ADGRG7: variants seen among roughly 807,000 people sequenced by gnomAD.
ADGRG7 encodes the protein adhesion G protein-coupled receptor G7.
Under a neutral mutation model 88.6 loss-of-function variants are expected in ADGRG7, and 82 were observed. That is an observed-to-expected ratio of 0.93 (90% CI 0.77 to 1.11). The LOEUF is 1.11. ADGRG7 is among the 50% of genes most tolerant of loss of function. The pLI is 0.00. For missense variants in ADGRG7, 945 were observed against 953.4 expected, an observed-to-expected ratio of 0.99 and a Z score of 0.12; for synonymous variants, 381 against 345.2, an observed-to-expected ratio of 1.10 and a Z score of -1.15.
chr3:100,678,408 C>T (rs1337524580), intron 15 of ADGRG7, among the ~76,000 whole-genome samples: 1 of 152,094 alleles, frequency 6.6e-6, no homozygotes, highest in Non-Finnish European at 1.5e-5. Context: ...TGACATATCT[C>T]TGTCTCTCTG....
intron 15 of ADGRG7, among the ~76,000 whole-genome samples, chr3:100,686,780 C>T (rs1350633112): frequency 6.6e-6 from 1 of 152,150 alleles, no homozygotes; most frequent in Non-Finnish European, 1.5e-5. Context: ...TTACTGTAGC[C>T]TTGTAGTATA....
intron 1 of ADGRG7, among the ~76,000 whole-genome samples, chr3:100,620,395 G>T (rs1707294155): frequency 1.3e-5 from 2 of 152,074 alleles, no homozygotes; most frequent in African/African-American, 4.8e-5. Flanking sequence ...ATTAGGTATC[G>T]ATGGGACGTA....
intron 15 of ADGRG7, among the ~76,000 whole-genome samples, chr3:100,675,069 A>G (rs186625216): frequency 2.6e-5 from 4 of 152,076 alleles, no homozygotes; most frequent in African/African-American, 7.2e-5. Context: ...TTCCTTTCCA[A>G]TTTAGATTTT....
At chr3:100,641,463 AG>A in intron 6 of ADGRG7, among the ~76,000 whole-genome samples, 1 of 152,362 alleles carries the variant, frequency 6.6e-6, no homozygotes, top group East Asian at 1.9e-4. Flanking sequence ...AGTTAGGTAC[AG>A]GACAAAAAAG....
intron 15 of ADGRG7, among the ~76,000 whole-genome samples, chr3:100,676,008 T>A (rs899556084): frequency 2.0e-5 from 3 of 152,114 alleles, no homozygotes; most frequent in African/African-American, 7.2e-5. Context: ...TTTTTCTTAG[T>A]TAATCTGACT....
At position 100,635,782 on chromosome 3, in the gene ADGRG7, GT is replaced by G; in HGVS notation, c.554del (p.Val185GlyfsTer21). On this transcript the variant is annotated frameshift_variant, in exon 5 of 16. Coordinates refer to ENST00000273352, the MANE Select transcript of ADGRG7 (RefSeq NM_032787.3). LOFTEE classifies it high-confidence loss of function. ...TGAGAACATCACTAGTGCTACGCGA[GT>G]GGTTGGACAGATATTCAACACTTCC... ...TAENITSATR[V>X]VGQIFNTSRN... is the part of the protein sequence containing the mutation. The G allele has an allele frequency of 6.2e-7, 1 of 1,613,868 alleles. No individual in the cohort carries two copies. The highest frequency in any genetic ancestry group is 8.5e-7 in the Non-Finnish European group (1 of 1,179,906).
chr3:100,622,568 G>T (rs931709186), intron 1 of ADGRG7, among the ~76,000 whole-genome samples: 1 of 151,942 alleles, frequency 6.6e-6, no homozygotes. Context: ...GTCTGTTCCA[G>T]TCTTTTGCCC....
intron 1 of ADGRG7, among the ~76,000 whole-genome samples, chr3:100,615,382 T>A (rs1186403614): frequency 6.6e-6 from 1 of 152,226 alleles, no homozygotes; most frequent in Non-Finnish European, 1.5e-5. Flanking sequence ...AATTTAGGTA[T>A]TTCAGAGGCT....
Position 100,633,318 on chromosome 3 carries a change from G to A in ADGRG7, c.388G>A (p.Glu130Lys). Residue 130 changes from glutamate to lysine, a missense_variant, in exon 4 of 16, where the codon GAA becomes AAA. Glu to Lys is a moderately conservative substitution (Grantham distance 56). Transcript: ENST00000273352. ...LCSLSLYGEIELQKVTIGNCN... is the reference protein window; with the variant it reads ...LCSLSLYGEIKLQKVTIGNCN... ...CAGTCTCTCTCTATATGGAGAGATA[G>A]AATTACAAAAAGTGACAATAGGAAA... 1.3e-6 allele frequency: 2 copies of A among 1,590,138 alleles called. No individual in the cohort carries two copies. Among genetic ancestry groups the A allele is most frequent in the Admixed American group, 3.5e-5 (2 of 57,760 alleles).
At chr3:100,647,366 T>TG (rs1707771497) in intron 10 of ADGRG7, among the ~76,000 whole-genome samples, 1 of 152,172 alleles carries the variant, frequency 6.6e-6, no homozygotes, top group Non-Finnish European at 1.5e-5. Context: ...GAGGTAAAGC[T>TG]GTATAGCTGT....
chr3:100,680,510 C>T (rs538656465), intron 15 of ADGRG7, among the ~76,000 whole-genome samples: 1 of 152,052 alleles, frequency 6.6e-6, no homozygotes, highest in East Asian at 1.9e-4. Flanking sequence ...TTTCTGTGGC[C>T]ATTCTATTTT....
At chr3:100,628,481 C>G (rs1707413799) in intron 1 of ADGRG7, among the ~76,000 whole-genome samples, 1 of 152,042 alleles carries the variant, frequency 6.6e-6, no homozygotes, top group South Asian at 2.1e-4. Flanking sequence ...GCCTCAGCCT[C>G]CCAAGTAACT....
chr3:100,657,315 G>T (rs2094939020), intron 13 of ADGRG7, among the ~76,000 whole-genome samples: 1 of 152,128 alleles, frequency 6.6e-6, no homozygotes, highest in Admixed American at 6.5e-5. Context: ...GATTATTTTT[G>T]GTTTTCCTGA....
At position 100,659,798 on chromosome 3, in the gene ADGRG7, C is replaced by T. The variant is rs753509327; in HGVS notation, c.1934C>T (p.Thr645Ile). The stretch of plus-strand genomic sequence containing the variant: ...ATCAGCAATGTTGTTATGTTTATTA[C>T]AATCTCGATCAAAGTGCTGTGGAAG... ...ILISNVVMFITISIKVLWKNN... is the reference protein window; with the variant it reads ...ILISNVVMFIIISIKVLWKNN... The change falls in exon 14 of 16, where the codon ACA becomes ATA. Residue 645 changes from threonine (T) to isoleucine (I), a missense_variant. Physicochemically the swap from Thr to Ile is moderately conservative, Grantham distance 89. Transcript: ENST00000273352. 1.2e-6 allele frequency: 2 copies of T among 1,613,894 alleles called. No individual in the cohort carries two copies. The highest frequency in any genetic ancestry group is 1.7e-6 in the Non-Finnish European group (2 of 1,179,910).
chr3:100,680,633 C>T (rs2094972009), intron 15 of ADGRG7, among the ~76,000 whole-genome samples: 1 of 152,088 alleles, frequency 6.6e-6, no homozygotes, highest in African/African-American at 2.4e-5. Context: ...TTTTGGGGGT[C>T]AATTTAGGGA....
At chr3:100,661,306 A>C (rs956622632) in intron 14 of ADGRG7, among the ~76,000 whole-genome samples, 2 of 152,244 alleles carry the variant, frequency 1.3e-5, no homozygotes, top group Non-Finnish European at 2.9e-5. Flanking sequence ...AGACTTAATA[A>C]AAGCAAGCAT....
In ADGRG7 at chr3:100,646,668, A is replaced by C. The variant is rs1206133442; in HGVS notation, c.1210A>C (p.Thr404Pro). ...DTYGCQKDKG[T>P]DGFLRCRCNH... ...ATATGGCTGTCAAAAAGACAAGGGCACTGATGGATTCCTGCGCTGCCGCTG... is the reference window on the plus strand; with the variant it reads ...ATATGGCTGTCAAAAAGACAAGGGCCCTGATGGATTCCTGCGCTGCCGCTG... The change falls in exon 10 of 16, where the codon ACT (threonine) becomes CCT (proline). Residue 404 changes from threonine (T) to proline (P), a missense_variant. Coordinates refer to ENST00000273352, the MANE Select transcript of ADGRG7 (RefSeq NM_032787.3). The C allele has an allele frequency of 1.2e-6, 2 of 1,614,114 alleles. No individual in the cohort carries two copies. Among genetic ancestry groups the C allele is most frequent in the African/African-American group, 2.7e-5 (2 of 74,946 alleles).
intron 1 of ADGRG7, 41 bp downstream of exon 1, chr3:100,610,012 G>A: frequency 6.6e-7 from 1 of 1,515,688 alleles, no homozygotes; most frequent in South Asian, 1.1e-5. Context: ...GTAAGAGAAG[G>A]TATGGGACCT....
chr3:100,678,877 A>G (rs1288082422), intron 15 of ADGRG7, among the ~76,000 whole-genome samples: 1 of 152,166 alleles, frequency 6.6e-6, no homozygotes, highest in Non-Finnish European at 1.5e-5. Context: ...CCTTGTGGCC[A>G]CCACCACTGG....
Sources: allele counts gnomAD v4.1 joint callset (sites outside exome capture counted in the v4.1 genomes callset), GRCh38; gene constraint gnomAD v4.1.1; transcripts MANE v1.5; gene names NCBI Gene and HGNC (gene_info 2026-07-23, HGNC 2026-07-21).